Variants in DNAAF4 observed in about 807,000 individuals in gnomAD.
DNAAF4 encodes dynein assembly factor 4, axonemal.
Under a neutral mutation model 51.8 loss-of-function variants are expected in DNAAF4, and 43 were observed. The observed-to-expected ratio is 0.83, with a 90% CI of 0.65 to 1.07. The LOEUF (loss-of-function observed/expected upper bound fraction) is 1.07, where lower values mean the gene tolerates loss of function less well. Ranked by LOEUF, DNAAF4 falls within the 50% of genes least tolerant of loss-of-function variation. The pLI is 0.00. For missense variants in DNAAF4, 581 were observed against 493.0 expected (o/e 1.18, Z -1.69); for synonymous variants, 194 against 165.6 (o/e 1.17, Z -1.32).
At chr15:55,491,480 GGAA>G (rs920476485) in intron 3 of DNAAF4, among the ~76,000 whole-genome samples, 9 of 149,980 alleles carry the variant, frequency 6.0e-5, no homozygotes, top group South Asian at 4.2e-4. Context: ...GGGGTGGAGA[GGAA>G]GAAGAAGGGA....
chr15:55,481,487 T>G (rs1356364894), intron 4 of DNAAF4, among the ~76,000 whole-genome samples: 1 of 152,166 alleles, frequency 6.6e-6, no homozygotes, highest in African/African-American at 2.4e-5. Flanking sequence ...TCTTCTCACC[T>G]AGAGAACATT....
intron 4 of DNAAF4, among the ~76,000 whole-genome samples, chr15:55,476,232 C>T (rs2058332858): frequency 6.6e-6 from 1 of 152,046 alleles, no homozygotes; most frequent in South Asian, 2.1e-4. Context: ...ATTTGGGATG[C>T]CAAGCCAGGA....
rs181017116 is a variant in DNAAF4, at chr15:55,441,712, C to G, written c.784-2131G>C. Among the ~76,000 whole-genome samples the G allele has an allele frequency of 1.9e-3, 288 of 152,240 alleles. 6 individuals are homozygous for G. The highest frequency in any genetic ancestry group is 0.018 in the Admixed American group (278 of 15,282). On this transcript the variant is annotated intron_variant, in intron 6 of 9. Coordinates refer to ENST00000321149, the MANE Select transcript of DNAAF4 (RefSeq NM_130810.4). ...GTTTGCTGAGAATGATGGTTTCCAG[C>G]TTCATCCATGTCCCTACAAAGGACA...
chr15:55,451,621 T>TG (rs796315728), intron 5 of DNAAF4, among the ~76,000 whole-genome samples: 35 of 135,980 alleles, frequency 2.6e-4, no homozygotes, highest in African/African-American at 1.2e-3. Context: ...AATAATATCT[T>TG]TTTTTTTTTT....
chr15:55,495,884 A>C (rs2058634050), intron 3 of DNAAF4, among the ~76,000 whole-genome samples: 1 of 152,232 alleles, frequency 6.6e-6, no homozygotes, highest in Admixed American at 6.5e-5. Flanking sequence ...GTATTAGTAC[A>C]AAGCACTGAC....
At chr15:55,446,729 C>CTGA (rs1264985039) in intron 6 of DNAAF4, among the ~76,000 whole-genome samples, 4 of 145,366 alleles carry the variant, frequency 2.8e-5, no homozygotes, top group African/African-American at 5.2e-5. Flanking sequence ...GACGGGGCAG[C>CTGA]CGGGCAGAGA....
At chr15:55,500,377 C>A (rs79122051) in intron 1 of DNAAF4, among the ~76,000 whole-genome samples, 2,875 of 152,220 alleles carry the variant, frequency 0.019, 102 homozygotes, top group African/African-American at 0.066. Context: ...AAAAAAATTT[C>A]TTTTGTCATT....
In DNAAF4 at chr15:55,488,611, A is replaced by T. The variant is rs562646561; in HGVS notation, c.405+2512T>A. On this transcript the variant is annotated intron_variant, in intron 4 of 9. Transcript: ENST00000321149. ...TTGATAATGGCTATAATAAGGATGAAACAAAACATACTCCCAACTCTCAAC... is the reference window on the plus strand; with the variant it reads ...TTGATAATGGCTATAATAAGGATGATACAAAACATACTCCCAACTCTCAAC... Among the ~76,000 whole-genome samples the T allele has an allele frequency of 5.9e-5, 9 of 152,322 alleles. No homozygotes were observed. In the South Asian group the frequency reaches 1.7e-3, roughly 28 times the overall value.
intron 5 of DNAAF4, among the ~76,000 whole-genome samples, chr15:55,453,018 G>C (rs998844771): frequency 6.6e-6 from 1 of 152,030 alleles, no homozygotes; most frequent in African/African-American, 2.4e-5. Flanking sequence ...AGTAGACACG[G>C]GTTTCATCAT....
chr15:55,469,552 G>A (rs1203804067), intron 4 of DNAAF4, among the ~76,000 whole-genome samples: 4 of 117,134 alleles, frequency 3.4e-5, no homozygotes, highest in African/African-American at 6.5e-5. Context: ...GCGCAATCTC[G>A]GCTCACTGCA....
At chr15:55,466,651 C>T (rs1178941378) in intron 5 of DNAAF4, among the ~76,000 whole-genome samples, 2 of 151,866 alleles carry the variant, frequency 1.3e-5, no homozygotes, top group African/African-American at 4.9e-5. Context: ...GAGTTAAGCA[C>T]TTATTTAACA....
intron 4 of DNAAF4, among the ~76,000 whole-genome samples, chr15:55,484,159 G>C (rs1275098822): frequency 6.6e-6 from 1 of 151,910 alleles, no homozygotes; most frequent in South Asian, 2.1e-4. Flanking sequence ...TGGTCCAAAT[G>C]CCATGGAATA....
At chr15:55,491,884 C>G (rs2058580224) in intron 3 of DNAAF4, among the ~76,000 whole-genome samples, 1 of 149,892 alleles carries the variant, frequency 6.7e-6, no homozygotes, top group Non-Finnish European at 1.5e-5. Flanking sequence ...GACTAGGTCT[C>G]TCTCTGTCAC....
intron 4 of DNAAF4, among the ~76,000 whole-genome samples, chr15:55,473,848 TG>T (rs1334951057): frequency 1.3e-5 from 2 of 151,684 alleles, no homozygotes; most frequent in African/African-American, 4.8e-5. Context: ...AAAAATTAGC[TG>T]GGCGTGGTGG....
chr15:55,501,868 C>T (rs1159674587), intron 1 of DNAAF4, among the ~76,000 whole-genome samples: 1 of 151,664 alleles, frequency 6.6e-6, no homozygotes, highest in East Asian at 2.0e-4. Flanking sequence ...CATGGTGAAA[C>T]CCCATCTCTA....
intron 1 of DNAAF4, among the ~76,000 whole-genome samples, chr15:55,501,500 C>A (rs1352755823): frequency 6.6e-6 from 1 of 151,068 alleles, no homozygotes; most frequent in Admixed American, 6.6e-5. Flanking sequence ...CTCAGCCTCC[C>A]TAGTAGCTGG....
At chr15:55,434,718 C>CA (rs1432058536) in intron 8 of DNAAF4, among the ~76,000 whole-genome samples, 187 bp downstream of exon 8, 3 of 149,044 alleles carry the variant, frequency 2.0e-5, no homozygotes, top group East Asian at 2.0e-4. Context: ...ATAGAAGTCA[C>CA]AAAAAAACAC....
chr15:55,423,256 C>A (rs183306094), intron 7 of DNAAF4, among the ~76,000 whole-genome samples: 1 of 151,754 alleles, frequency 6.6e-6, no homozygotes, highest in Non-Finnish European at 1.5e-5. Flanking sequence ...GGCTGGAGCG[C>A]AATGACACAA....
intron 6 of DNAAF4, among the ~76,000 whole-genome samples, chr15:55,440,986 CTTT>C (rs1024001495): frequency 3.4e-5 from 5 of 149,040 alleles, no homozygotes; most frequent in South Asian, 4.3e-4. Flanking sequence ...CGTCCTTAAA[CTTT>C]TTTTTAAACC....
Sources: gnomAD v4.1 joint callset for allele counts (sites outside exome capture counted in the v4.1 genomes callset) on GRCh38, gnomAD v4.1.1 for gene constraint, MANE v1.5 for transcripts, NCBI Gene and HGNC (gene_info 2026-07-23, HGNC 2026-07-21) for gene names.